NDRG1: variants seen among roughly 807,000 people sequenced by gnomAD.
NDRG1 encodes protein NDRG1.
NDRG1 carries 32 observed loss-of-function variants against 56.9 expected under a neutral mutation model. The ratio of observed to expected loss-of-function variants is 0.56; its 90% CI spans 0.42 to 0.76. The LOEUF (loss-of-function observed/expected upper bound fraction) is 0.76. NDRG1 is among the 30% of genes least tolerant of loss of function. The pLI, the probability that NDRG1 is intolerant of heterozygous loss-of-function variation, is 0.00. For synonymous variants in NDRG1, 211 were observed against 204.1 expected (o/e 1.03, Z -0.29); for missense variants, 507 against 545.7 (o/e 0.93, Z 0.71).
intron 3 of NDRG1, among the ~76,000 whole-genome samples, chr8:133,278,959 C>CG (rs1563637480): frequency 6.7e-6 from 1 of 149,584 alleles, no homozygotes; most frequent in East Asian, 2.0e-4. Context: ...GACGTGGTCT[C>CG]AGCTCACTGC....
intron 4 of NDRG1, 133 bp from the exon 5 acceptor site, chr8:133,262,300 T>C (rs1184893031): frequency 2.5e-6 from 3 of 1,214,098 alleles, no homozygotes; most frequent in African/African-American, 1.5e-5. Flanking sequence ...AGAACACAGA[T>C]GTTGGCGTTT....
intron 1 of NDRG1, among the ~76,000 whole-genome samples, chr8:133,289,445 G>A (rs1391661902): frequency 6.6e-6 from 1 of 152,134 alleles, no homozygotes; most frequent in Non-Finnish European, 1.5e-5. Flanking sequence ...GGGACACATG[G>A]AAAATGCTCA....
rs61430539 is a variant in NDRG1, at chr8:133,287,945, G to GCACACA, written c.-18-3622_-18-3617dup. ...TAATCTAGTGCATGCGTGCACACAC[G>GCACACA]CACACACACACACACACACTCTCAA... On this transcript the variant is annotated intron_variant, in intron 1 of 15. Transcript: ENST00000323851. 9.3e-3 allele frequency among the ~76,000 whole-genome samples: 1,380 copies of GCACACA among 149,128 alleles called. 24 individuals are homozygous for GCACACA. The highest frequency in any genetic ancestry group is 0.032 in the African/African-American group (1,295 of 41,092).
At chr8:133,260,021 C>T (rs183156246) in intron 5 of NDRG1, among the ~76,000 whole-genome samples, 2 of 152,298 alleles carry the variant, frequency 1.3e-5, no homozygotes, top group East Asian at 3.9e-4. Context: ...ATCAACAGAG[C>T]CACTGAGCTG....
At chr8:133,262,236 C>T in intron 4 of NDRG1, 69 bp from the exon 5 acceptor site, 1 of 1,553,578 alleles carries the variant, frequency 6.4e-7, no homozygotes, top group Admixed American at 1.7e-5. Context: ...GTCTCGGTGG[C>T]AAAGCACATT....
chr8:133,294,001 A>T (rs1252038255), intron 1 of NDRG1, among the ~76,000 whole-genome samples: 3 of 152,098 alleles, frequency 2.0e-5, no homozygotes, highest in Non-Finnish European at 4.4e-5. Context: ...GACGGCAAAC[A>T]CCTACACGCT....
intron 3 of NDRG1, among the ~76,000 whole-genome samples, chr8:133,269,445 G>A (rs142395918): frequency 2.0e-5 from 3 of 152,266 alleles, no homozygotes; most frequent in South Asian, 4.1e-4. Flanking sequence ...GCAGGGATGG[G>A]GGCAGTAATA....
At position 133,239,112 on chromosome 8, in the gene NDRG1, C is replaced by T. The variant is rs1310471207; in HGVS notation, c.951G>A (p.Ser317=). The T allele has an allele frequency of 4.5e-6, 7 of 1,556,810 alleles. No homozygotes were observed. The highest frequency in any genetic ancestry group is 2.4e-5 in the East Asian group (1 of 41,836). The part of the protein sequence containing the change: ...YFVQGMGYMP[S]ASMTRLMRSR... ...ACCGCATCAGGCGGGTCATGCTAGC[C>T]GAGGGCACTAGGGGAACAAGAGACA... Residue 317 remains serine (S), a synonymous_variant, in exon 16 of 16, where the codon TCG becomes TCA. Coordinates refer to ENST00000323851, the MANE Select transcript of NDRG1 (RefSeq NM_006096.4).
rs1416301867 is a variant in NDRG1, at chr8:133,238,984, G to A, written c.1079C>T (p.Thr360Ile). The A allele has an allele frequency of 1.9e-6, 3 of 1,592,640 alleles. No homozygotes were observed. The highest frequency in any genetic ancestry group is 3.5e-5 in the Admixed American group (2 of 56,516). ...CTCGCTGGTGTGCGAGCGGCTGCGGGTGCCCTCGCTGGTGTGGGAGCGGCT... is the reference window on the plus strand; with the variant it reads ...CTCGCTGGTGTGCGAGCGGCTGCGGATGCCCTCGCTGGTGTGGGAGCGGCT... ...TRSRSHTSEGTRSRSHTSEGA... is the reference protein window; with the variant it reads ...TRSRSHTSEGIRSRSHTSEGA... Residue 360 changes from threonine (T) to isoleucine (I), a missense_variant, in exon 16 of 16, where the codon ACC becomes ATC. By Grantham distance (89) the Thr-to-Ile change is moderately conservative. Coordinates refer to ENST00000323851, the MANE Select transcript of NDRG1 (RefSeq NM_006096.4).
intron 3 of NDRG1, among the ~76,000 whole-genome samples, chr8:133,275,232 A>G (rs1215350781): frequency 6.6e-6 from 1 of 152,188 alleles, no homozygotes; most frequent in Admixed American, 6.5e-5. Context: ...GCTTTCATCA[A>G]TCTCTTGAGT....
intron 7 of NDRG1, among the ~76,000 whole-genome samples, chr8:133,257,268 G>A (rs1157502474): frequency 1.3e-5 from 2 of 148,674 alleles, no homozygotes; most frequent in African/African-American, 5.0e-5. Flanking sequence ...TTACTTCCAG[G>A]ATAAACACAT....
chr8:133,273,221 C>G (rs1857283682), intron 3 of NDRG1, among the ~76,000 whole-genome samples: 1 of 151,320 alleles, frequency 6.6e-6, no homozygotes, highest in African/African-American at 2.4e-5. Context: ...CTGAATAACT[C>G]AAGATCCAGG....
chr8:133,266,662 C>T (rs956657308), intron 3 of NDRG1, among the ~76,000 whole-genome samples: 9 of 152,234 alleles, frequency 5.9e-5, no homozygotes, highest in African/African-American at 1.9e-4. Context: ...GATTCCACCT[C>T]TGCTACTTCT....
At chr8:133,244,876 G>C (rs1331296834) in intron 13 of NDRG1, among the ~76,000 whole-genome samples, 1 of 152,202 alleles carries the variant, frequency 6.6e-6, no homozygotes, top group Non-Finnish European at 1.5e-5. Flanking sequence ...CTTCCTAAAT[G>C]GTGGACGTTC....
At chr8:133,264,806 C>A in intron 3 of NDRG1, 154 bp from the exon 4 acceptor site, 2 of 697,378 alleles carry the variant, frequency 2.9e-6, no homozygotes. Context: ...TCTCTCTGGC[C>A]AGAAGCCACT....
rs1447208349 is a variant in NDRG1 at position 133,256,778 on chromosome 8, T to C, written c.536A>G (p.Lys179Arg). ...AEGWMDWAAS[K>R]ISGWTQALPD... Reference sequence around the variant, plus strand: ...CGGCCTGACAGGCCCCCACCTCACCTTGGAGGCGGCCCAGTCCATCCAGCC... The same window carrying C: ...CGGCCTGACAGGCCCCCACCTCACCCTGGAGGCGGCCCAGTCCATCCAGCC... The change falls in exon 8 of 16, where the codon AAG (lysine) becomes AGG (arginine). Residue 179 changes from lysine (K) to arginine (R), a missense_variant and splice_region_variant. By Grantham distance (26) the Lys-to-Arg change is conservative. Transcript: ENST00000323851. The C allele has an allele frequency of 6.2e-7, 1 of 1,614,104 alleles. No homozygotes were observed. The highest frequency in any genetic ancestry group is 1.7e-5 in the Admixed American group (1 of 60,030).
At chr8:133,295,292 G>C (rs151321569) in intron 1 of NDRG1, among the ~76,000 whole-genome samples, 109 of 152,292 alleles carry the variant, frequency 7.2e-4, no homozygotes, top group African/African-American at 2.5e-3. Context: ...CGCTGGGCCA[G>C]GGGCCAGGTT....
chr8:133,257,304 CACACACACACACAG>C lies in NDRG1; in HGVS notation c.451-455_451-442del, dbSNP rs958363337. Among the ~76,000 whole-genome samples the C allele has an allele frequency of 7.0e-5, 10 of 142,076 alleles. No individual in the cohort carries two copies. The South Asian group carries it at 9.0e-4, about 13-fold the overall frequency. The allele number at this position is 142,076 out of a possible 152,430, so 93.2% of individuals were successfully genotyped here. A position where few individuals can be genotyped will look rare whatever the true frequency, so the allele number is the denominator to read the frequency against. ...GCATACACACACACACACACACACA[CACACACACACACAG>C]AGAGAGAGACAGAGTTATGCATCGC... On this transcript the variant is annotated intron_variant, in intron 7 of 15. Coordinates refer to ENST00000323851, the MANE Select transcript of NDRG1 (RefSeq NM_006096.4).
At chr8:133,276,625 G>A (rs968489103) in intron 3 of NDRG1, among the ~76,000 whole-genome samples, 40 of 152,290 alleles carry the variant, frequency 2.6e-4, no homozygotes, top group African/African-American at 8.2e-4. Flanking sequence ...TTTTATAAAC[G>A]GCAGTTCCCC....
Sources: allele counts gnomAD v4.1 joint callset (sites outside exome capture counted in the v4.1 genomes callset), GRCh38; gene constraint gnomAD v4.1.1; transcripts MANE v1.5; gene names NCBI Gene and HGNC (gene_info 2026-07-23, HGNC 2026-07-21).